ACVR1C: variants seen among roughly 807,000 people sequenced by gnomAD.
The protein encoded by ACVR1C is activin receptor type-1C.
ACVR1C carries 23 observed loss-of-function variants against 57.9 expected under a neutral mutation model. The ratio of observed to expected loss-of-function variants is 0.40; its 90% confidence interval spans 0.29 to 0.56. ACVR1C has a LOEUF of 0.56. Among genes scored for constraint, ACVR1C ranks in the 20% least tolerant of loss-of-function variants. The pLI, the probability that ACVR1C is intolerant of heterozygous loss-of-function variation, is 0.50. For synonymous variants in ACVR1C, 214 were observed against 215.3 expected, an observed-to-expected ratio of 0.99 and a Z score of 0.05; for missense variants, 480 against 607.9, an observed-to-expected ratio of 0.79 and a Z score of 2.21.
chr2:157,617,208 C>T (rs1448374566), intron 1 of ACVR1C, among the ~76,000 whole-genome samples: 1 of 151,912 alleles, frequency 6.6e-6, no homozygotes, highest in Non-Finnish European at 1.5e-5. Context: ...AGAGGGACGT[C>T]TTATATTAAT....
intron 2 of ACVR1C, among the ~76,000 whole-genome samples, chr2:157,586,060 G>A (rs943070215): frequency 6.6e-6 from 1 of 151,850 alleles, no homozygotes; most frequent in African/African-American, 2.4e-5. Context: ...TATTCTCTTA[G>A]TTTTTTTGGA....
intron 1 of ACVR1C, among the ~76,000 whole-genome samples, chr2:157,605,648 C>G (rs2105143700): frequency 6.6e-6 from 1 of 151,684 alleles, no homozygotes; most frequent in Admixed American, 6.6e-5. Context: ...GACATCCTCC[C>G]CTATACTTCA....
At position 157,533,418 on chromosome 2, in the gene ACVR1C, A is replaced by G. The variant is rs890760673; in HGVS notation, c.*500T>C. ...GCAGCTCCACTCTCACGTTCGATAT[A>G]TTAAAGTTTAGAGCAATATTTATTT... On this transcript the variant is annotated 3_prime_UTR_variant, in exon 9 of 9. Transcript: ENST00000243349. 6.6e-6 allele frequency: 1 copy of G among 152,628 alleles called. No homozygotes were observed. The highest frequency in any genetic ancestry group is 2.4e-5 in the African/African-American group (1 of 41,448). 9.5% of individuals were successfully genotyped at this position (152,628 alleles called of 1,614,324 possible).
chr2:157,624,521 C>A (rs1682857492), intron 1 of ACVR1C, among the ~76,000 whole-genome samples: 2 of 152,210 alleles, frequency 1.3e-5, no homozygotes, highest in African/African-American at 4.8e-5. Context: ...GAAAAACCAA[C>A]TGCTTTCATG....
chr2:157,615,960 T>C (rs1272165274), intron 1 of ACVR1C, among the ~76,000 whole-genome samples: 1 of 152,228 alleles, frequency 6.6e-6, no homozygotes, highest in East Asian at 1.9e-4. Context: ...TCAGTTAGAA[T>C]ATGATGGATA....
intron 1 of ACVR1C, among the ~76,000 whole-genome samples, chr2:157,614,317 T>C (rs890447628): frequency 2.0e-5 from 3 of 152,168 alleles, no homozygotes; most frequent in African/African-American, 4.8e-5. Context: ...GCTTAATAAG[T>C]TCCTGTTGTT....
chr2:157,529,368 C>T lies in ACVR1C; in HGVS notation c.*4550G>A, dbSNP rs574649486. 1 of 152,242 alleles carries T rather than the reference C, an allele frequency of 6.6e-6. No homozygotes were observed. Among genetic ancestry groups the T allele is most frequent in the Non-Finnish European group, 1.5e-5 (1 of 67,974 alleles). The allele number at this position is 152,242 out of a possible 1,614,324, so 9.4% of individuals were successfully genotyped here. ...TTTAGTTTTTCTCATTGACCTCACT[C>T]TGAGTGAGTAAATTATTTTAGTAGA... On this transcript the variant is annotated 3_prime_UTR_variant, in exon 9 of 9. Transcript: ENST00000243349.
Position 157,555,437 on chromosome 2 carries a change from C to T in ACVR1C, c.544+656G>A, listed in dbSNP as rs546771939. ...CCCGGCCGGTACTTTGAACGCTTTA[C>T]CTGGGGTTCTGGAGTTCCATTAAAG... is the stretch of plus-strand genomic sequence containing the variant. On this transcript the variant is annotated intron_variant, in intron 3 of 8. Coordinates refer to ENST00000243349, the MANE Select transcript of ACVR1C (RefSeq NM_145259.3). Among the ~76,000 whole-genome samples, 990 of 152,246 alleles carry T rather than the reference C, an allele frequency of 6.5e-3. 7 individuals carry two copies. Among genetic ancestry groups the T allele is most frequent in the Non-Finnish European group, 0.011 (731 of 68,014 alleles).
intron 1 of ACVR1C, among the ~76,000 whole-genome samples, chr2:157,595,262 G>A (rs1416073280): frequency 6.6e-6 from 1 of 152,206 alleles, no homozygotes; most frequent in Admixed American, 6.5e-5. Context: ...GCCTTTGGAA[G>A]GCAAGGCATG....
In ACVR1C at chr2:157,550,305, T is replaced by C. The variant is rs758931742; in HGVS notation, c.632A>G (p.His211Arg). The change falls in exon 4 of 9, where the codon CAT (histidine) becomes CGT (arginine). Residue 211 changes from histidine (H) to arginine (R), a missense_variant. Physicochemically the swap from His to Arg is conservative, Grantham distance 29. Coordinates refer to ENST00000243349, the MANE Select transcript of ACVR1C (RefSeq NM_145259.3). ...CACATCTTCCCCACACCATCTTCCATGCCACACCTCACCAAATCTACCTTT... is the reference window on the plus strand; with the variant it reads ...CACATCTTCCCCACACCATCTTCCACGCCACACCTCACCAAATCTACCTTT... ...VGKGRFGEVW[H>R]GRWCGEDVAV... The C allele has an allele frequency of 5.6e-6, 9 of 1,614,048 alleles. No individual in the cohort carries two copies. Among genetic ancestry groups the C allele is most frequent in the South Asian group, 3.3e-5 (3 of 91,092 alleles).
chr2:157,557,249 G>C (rs1237416046), intron 2 of ACVR1C, among the ~76,000 whole-genome samples: 1 of 152,076 alleles, frequency 6.6e-6, no homozygotes, highest in Non-Finnish European at 1.5e-5. Flanking sequence ...ATTCTAAAAA[G>C]TTGTTTCAGG....
chr2:157,605,320 G>C (rs957050436), intron 1 of ACVR1C, among the ~76,000 whole-genome samples: 1 of 151,592 alleles, frequency 6.6e-6, no homozygotes, highest in African/African-American at 2.4e-5. Context: ...TAGGTACTAC[G>C]AGCATTCCAA....
intron 2 of ACVR1C, among the ~76,000 whole-genome samples, chr2:157,580,976 C>A (rs1180534525): frequency 1.1e-4 from 16 of 152,114 alleles, no homozygotes; most frequent in Admixed American, 1.0e-3. Context: ...AAAAAACAAT[C>A]TGAGAGTTCC....
At chr2:157,576,250 C>T (rs565496244) in intron 2 of ACVR1C, among the ~76,000 whole-genome samples, 1 of 140,788 alleles carries the variant, frequency 7.1e-6, no homozygotes, top group East Asian at 2.0e-4. Flanking sequence ...TCTGTCACCA[C>T]GCTGGAGTGC....
rs1687381765 is a variant in ACVR1C at position 157,532,560 on chromosome 2, T to C, written c.*1358A>G. 2 of 152,054 alleles carry C rather than the reference T, an allele frequency of 1.3e-5. No homozygotes were observed. Among genetic ancestry groups the C allele is most frequent in the Admixed American group, 6.6e-5 (1 of 15,242 alleles). 9.4% of individuals were successfully genotyped at this position (152,054 alleles called of 1,614,324 possible). ...AGATGTTTTAGGAGCATAAAAGACA[T>C]CATGTTAAATCTCGTTTACCAAAGT... On this transcript the variant is annotated 3_prime_UTR_variant, in exon 9 of 9. Transcript: ENST00000243349.
At chr2:157,542,684 C>T (rs772455085) in intron 6 of ACVR1C, 22 bp downstream of exon 6, 3 of 1,606,590 alleles carry the variant, frequency 1.9e-6, no homozygotes, top group Non-Finnish European at 2.6e-6. Context: ...TCTTACTATG[C>T]TACCCAAGTC....
intron 1 of ACVR1C, among the ~76,000 whole-genome samples, chr2:157,595,867 C>T (rs1047197941): frequency 2.0e-5 from 3 of 152,302 alleles, no homozygotes; most frequent in East Asian, 3.9e-4. Flanking sequence ...GGTCTCAGCT[C>T]AAATGTCACC....
intron 4 of ACVR1C, among the ~76,000 whole-genome samples, chr2:157,546,924 G>A (rs375013644): frequency 1.1e-4 from 17 of 150,880 alleles, no homozygotes; most frequent in East Asian, 3.9e-4. Context: ...CCACTAACTC[G>A]TCATCTAGCA....
chr2:157,549,322 G>T (rs916600115), intron 4 of ACVR1C, among the ~76,000 whole-genome samples: 1 of 152,126 alleles, frequency 6.6e-6, no homozygotes, highest in South Asian at 2.1e-4. Context: ...CTGAGATCGT[G>T]CCACTGCACT....
Sources: gnomAD v4.1 joint callset for allele counts (sites outside exome capture counted in the v4.1 genomes callset) on GRCh38, gnomAD v4.1.1 for gene constraint, MANE v1.5 for transcripts, NCBI Gene and HGNC (gene_info 2026-07-23, HGNC 2026-07-21) for gene names.